The following AGO1 variants were observed in gnomAD, a reference collection of about 807,000 sequenced individuals.
AGO1 encodes protein argonaute-1.
AGO1 carries 11 observed loss-of-function variants against 109.2 expected under a neutral mutation model. That is an observed-to-expected ratio of 0.10 (90% CI 0.06 to 0.17). AGO1 has a LOEUF of 0.17. Ranked by LOEUF, AGO1 falls within the 10% of genes least tolerant of loss-of-function variation. The pLI is 1.00. For synonymous variants in AGO1, 422 were observed against 418.6 expected (o/e 1.01, Z -0.10); for missense variants, 574 against 1,140.3 (o/e 0.50, Z 7.15).
In AGO1 at chr1:35,919,378, A is replaced by G; in HGVS notation, c.2466-121A>G. The G allele has an allele frequency of 6.8e-7, 1 of 1,460,828 alleles. No homozygotes were observed. The highest frequency in any genetic ancestry group is 9.3e-7 in the Non-Finnish European group (1 of 1,072,502). 90.5% of individuals were successfully genotyped at this position (1,460,828 alleles called of 1,614,324 possible). A position where few individuals can be genotyped will look rare whatever the true frequency, so the allele number is the denominator to read the frequency against. On this transcript the variant is annotated intron_variant, in intron 18 of 18. Transcript: ENST00000373204. This position sits in a 1 kb window ranked among gnomAD's most constrained non-coding sequence, Gnocchi z 6.6. ...TTGGTGTCATTGGGCTCGTCTGCCC[A>G]ATCCTGGGTTGGGTTTCTCTCTTAA...
chr1:35,916,206 T>G (rs1342432323), intron 15 of AGO1, among the ~76,000 whole-genome samples: 3 of 152,120 alleles, frequency 2.0e-5, no homozygotes, highest in African/African-American at 7.2e-5. Context: ...TTTACAATAG[T>G]CCTTTGGAAT....
intron 8 of AGO1, among the ~76,000 whole-genome samples, chr1:35,896,373 T>C (rs367923597): frequency 5.3e-5 from 8 of 151,404 alleles, no homozygotes; most frequent in African/African-American, 1.9e-4. Flanking sequence ...ACTACCCTCT[T>C]TTTCTTTTTT....
At chr1:35,915,988 C>T (rs1645728135) in intron 15 of AGO1, among the ~76,000 whole-genome samples, 1 of 151,896 alleles carries the variant, frequency 6.6e-6, no homozygotes, top group Non-Finnish European at 1.5e-5. Context: ...GTTGACCCTC[C>T]TTCATAATAT....
At position 35,888,737 on chromosome 1, in the gene AGO1, T is replaced by G. The variant is rs1002826636; in HGVS notation, c.209+127T>G. Reference sequence around the variant, plus strand: ...TCTAAGGAAGTTTTTGAACGGGAGATGCCACGTCGGGTAAATGCTGAAAAA... The same window carrying G: ...TCTAAGGAAGTTTTTGAACGGGAGAGGCCACGTCGGGTAAATGCTGAAAAA... On this transcript the variant is annotated intron_variant, in intron 2 of 18. Coordinates refer to ENST00000373204, the MANE Select transcript of AGO1 (RefSeq NM_012199.5). This position sits in a 1 kb window ranked among gnomAD's most constrained non-coding sequence, Gnocchi z 4.1. The G allele has an allele frequency of 2.9e-6, 3 of 1,026,474 alleles. No individual in the cohort carries two copies. The African/African-American group carries it at 4.9e-5, about 17-fold the overall frequency. 63.6% of individuals were successfully genotyped at this position (1,026,474 alleles called of 1,614,324 possible).
intron 12 of AGO1, among the ~76,000 whole-genome samples, chr1:35,909,513 G>A (rs903665481): frequency 6.6e-6 from 1 of 152,182 alleles, no homozygotes; most frequent in African/African-American, 2.4e-5. Context: ...TTTGCCCGGA[G>A]TATCTGCATC....
At chr1:35,907,893 G>C (rs974333332) in intron 12 of AGO1, among the ~76,000 whole-genome samples, 1 of 152,202 alleles carries the variant, frequency 6.6e-6, no homozygotes, top group Non-Finnish European at 1.5e-5. Context: ...GGAATGCCAA[G>C]GTGGGAGGAT....
chr1:35,871,778 A>G (rs1644953050), intron 1 of AGO1, among the ~76,000 whole-genome samples: 1 of 151,520 alleles, frequency 6.6e-6, no homozygotes, highest in South Asian at 2.1e-4. Flanking sequence ...TTAAAAAAAA[A>G]ATAATTGTTG....
chr1:35,920,779 A>G lies in AGO1; in HGVS notation c.*1172A>G, dbSNP rs1039642957. ...TTCTCCCTTGATGGTCAAGTCTCTT[A>G]TGTTTCAATATTTCTTAACTGGGGT... is the stretch of plus-strand genomic sequence containing the variant. On this transcript the variant is annotated 3_prime_UTR_variant, in exon 19 of 19. Transcript: ENST00000373204. The G allele has an allele frequency of 6.6e-6, 1 of 152,502 alleles. No individual in the cohort carries two copies. The highest frequency in any genetic ancestry group is 2.4e-5 in the African/African-American group (1 of 41,378). 9.4% of individuals were successfully genotyped at this position (152,502 alleles called of 1,614,324 possible).
chr1:35,890,211 CAG>C (rs1645192374), intron 2 of AGO1, among the ~76,000 whole-genome samples: 1 of 151,916 alleles, frequency 6.6e-6, no homozygotes, highest in African/African-American at 2.4e-5. Context: ...TTAGTAGAGA[CAG>C]GGTTTCACTA....
rs1033807276 is a variant in AGO1 at position 35,927,924 on chromosome 1, C to G, written c.*8317C>G. 3.9e-5 allele frequency: 6 copies of G among 152,166 alleles called. No homozygotes were observed. Among genetic ancestry groups the G allele is most frequent in the African/African-American group, 1.2e-4 (5 of 41,434 alleles). The allele number at this position is 152,166 out of a possible 1,614,324, so 9.4% of individuals were successfully genotyped here. A position where few individuals can be genotyped will look rare whatever the true frequency, so the allele number is the denominator to read the frequency against. On this transcript the variant is annotated 3_prime_UTR_variant, in exon 19 of 19. Transcript: ENST00000373204. ...TTTCTACCTTGTAGAAACTGATGGT[C>G]TAGGAGAAGAGATTTGAACTCAGGT... is the stretch of plus-strand genomic sequence containing the variant.
chr1:35,888,409 A>G lies in AGO1; in HGVS notation c.26-18A>G. ...GAGATTGCCAGACTTTACCCTCACC[A>G]GCCTCTTTGTCTTGTAGCTGCGGGC... On this transcript the variant is annotated intron_variant, in intron 1 of 18. Transcript: ENST00000373204. The surrounding 1 kb of genome is among the most constrained non-coding windows in gnomAD (Gnocchi z 4.1). 1 of 1,613,072 alleles carries G rather than the reference A, an allele frequency of 6.2e-7. No homozygotes were observed. The highest frequency in any genetic ancestry group is 8.5e-7 in the Non-Finnish European group (1 of 1,179,390).
In AGO1 at chr1:35,893,295, G is replaced by T. The variant is rs1645255066; in HGVS notation, c.512+17G>T. On this transcript the variant is annotated intron_variant, in intron 4 of 18. Coordinates refer to ENST00000373204, the MANE Select transcript of AGO1 (RefSeq NM_012199.5). This position sits in a 1 kb window ranked among gnomAD's most constrained non-coding sequence, Gnocchi z 5.6. ...ATCCATGAGGTATTGGGTGTAGTTAGTATCTGGGCTACTAGTGTTGGCAGA... is the reference window on the plus strand; with the variant it reads ...ATCCATGAGGTATTGGGTGTAGTTATTATCTGGGCTACTAGTGTTGGCAGA... 1.2e-6 allele frequency: 2 copies of T among 1,607,876 alleles called. No homozygotes were observed. Among genetic ancestry groups the T allele is most frequent in the African/African-American group, 2.7e-5 (2 of 74,748 alleles).
intron 1 of AGO1, among the ~76,000 whole-genome samples, chr1:35,871,508 A>C (rs1644951057): frequency 6.6e-6 from 1 of 151,472 alleles, no homozygotes. Flanking sequence ...TAGCCACTGC[A>C]CTCCAGCCTG....
rs1427096631 is a variant in AGO1 at position 35,883,461 on chromosome 1, G to A, written c.25+15G>A. 6.4e-7 allele frequency: 1 copy of A among 1,553,648 alleles called. No individual in the cohort carries two copies. The highest frequency in any genetic ancestry group is 2.6e-5 in the East Asian group (1 of 38,498). On this transcript the variant is annotated intron_variant, in intron 1 of 18. Transcript: ENST00000373204. The surrounding 1 kb of genome is among the most constrained non-coding windows in gnomAD (Gnocchi z 5.4). ...CTCGGGAGCAGGTAAGGGTCCCCAG[G>A]AGGGGGAACGGTGCATGCTCCAAGG...
chr1:35,912,816 C>G (rs535315468), intron 12 of AGO1, among the ~76,000 whole-genome samples: 1 of 152,160 alleles, frequency 6.6e-6, no homozygotes, highest in African/African-American at 2.4e-5. Context: ...TCGTGATCCA[C>G]CCACCTGAGC....
At chr1:35,882,718 T>C (rs1217719765), upstream of AGO1, 3 of 716,772 alleles carry the variant, frequency 4.2e-6, no homozygotes, top group South Asian at 6.3e-5. This position sits in a 1 kb window ranked among gnomAD's most constrained non-coding sequence, Gnocchi z 5.1. Flanking sequence ...GCACATGGCG[T>C]GGAAGAGGGG....
chr1:35,890,183 T>C (rs879787223), intron 2 of AGO1, among the ~76,000 whole-genome samples: 106 of 150,904 alleles, frequency 7.0e-4, no homozygotes, highest in Middle Eastern at 3.4e-3. Flanking sequence ...CCACCACGCC[T>C]GGCTAATTTT....
chr1:35,890,609 A>G (rs945706932), intron 2 of AGO1, among the ~76,000 whole-genome samples: 4 of 152,190 alleles, frequency 2.6e-5, no homozygotes, highest in African/African-American at 9.7e-5. Context: ...ACTGTTGAAT[A>G]TTATTATATA....
At chr1:35,915,299 C>T in intron 14 of AGO1, 49 bp from the exon 15 acceptor site, 12 of 1,549,944 alleles carry the variant, frequency 7.7e-6, no homozygotes, top group Non-Finnish European at 9.8e-6. Flanking sequence ...CATAGCCTGA[C>T]AGTGAAGGTG....
Sources: allele counts gnomAD v4.1 joint callset (sites outside exome capture counted in the v4.1 genomes callset), GRCh38; gene constraint gnomAD v4.1.1; non-coding constraint Gnocchi (gnomAD v3.1); transcripts MANE v1.5; gene names NCBI Gene and HGNC (gene_info 2026-07-23, HGNC 2026-07-21).